WWOX: variants seen among roughly 807,000 people sequenced by gnomAD.
The protein encoded by WWOX is WW domain-containing oxidoreductase.
WWOX carries 69 observed loss-of-function variants against 46.2 expected under a neutral mutation model. The observed-to-expected ratio is 1.49, with a 90% confidence interval of 1.23 to 1.82. The LOEUF is 1.82. WWOX is among the 40% of genes most tolerant of loss of function. WWOX has a pLI of 0.00. For synonymous variants in WWOX, 359 were observed against 202.6 expected (o/e 1.77, Z -6.56); for missense variants, 919 against 542.6 (o/e 1.69, Z -6.89).
rs765360545 is a variant in WWOX at position 78,349,557 on chromosome 16, G to C, written c.517-37303G>C. On this transcript the variant is annotated intron_variant, in intron 5 of 8. Transcript: ENST00000566780. ...AGCTGATGTGAGATTACATGGCCCT[G>C]ACTGTCTTGCCTGGTGCTGCAGGCC... Among the ~76,000 whole-genome samples the C allele has an allele frequency of 1.7e-5, 2 of 120,564 alleles. 1 individual carries two copies. The highest frequency in any genetic ancestry group is 4.0e-5 in the Non-Finnish European group (2 of 50,524). The allele number at this position is 120,564 out of a possible 152,430, so 79.1% of individuals were successfully genotyped here.
At chr16:78,827,974 T>G (rs1326071510) in intron 8 of WWOX, among the ~76,000 whole-genome samples, 1 of 151,928 alleles carries the variant, frequency 6.6e-6, no homozygotes, top group Admixed American at 6.6e-5. Flanking sequence ...GGGGACAGAG[T>G]TGCTGTTGAA....
At chr16:78,655,134 A>G (rs1402891594) in intron 8 of WWOX, among the ~76,000 whole-genome samples, 4 of 151,962 alleles carry the variant, frequency 2.6e-5, no homozygotes, top group African/African-American at 7.3e-5. Flanking sequence ...CTCGGCTCAA[A>G]CTAGCTTCGG....
At chr16:78,955,683 C>G (rs2046151405) in intron 8 of WWOX, among the ~76,000 whole-genome samples, 1 of 150,244 alleles carries the variant, frequency 6.7e-6, no homozygotes, top group Non-Finnish European at 1.5e-5. Flanking sequence ...CAGGGTCTTG[C>G]TCTATTGCCC....
chr16:78,787,618 G>C (rs997237598), intron 8 of WWOX, among the ~76,000 whole-genome samples: 1 of 152,158 alleles, frequency 6.6e-6, no homozygotes, highest in Non-Finnish European at 1.5e-5. Context: ...ATGCTGCTAT[G>C]ATCATACATG....
At chr16:78,821,096 G>A (rs2051480693) in intron 8 of WWOX, among the ~76,000 whole-genome samples, 1 of 152,110 alleles carries the variant, frequency 6.6e-6, no homozygotes, top group African/African-American at 2.4e-5. Flanking sequence ...CATGTTTCTA[G>A]GGGGACACTA....
intron 8 of WWOX, among the ~76,000 whole-genome samples, chr16:78,923,296 C>T (rs1368842450): frequency 6.6e-6 from 1 of 151,916 alleles, no homozygotes; most frequent in Non-Finnish European, 1.5e-5. Flanking sequence ...TCTTTTTCTT[C>T]CTCTCCTTCT....
chr16:78,883,521 C>T (rs2044387239), intron 8 of WWOX, among the ~76,000 whole-genome samples: 1 of 152,064 alleles, frequency 6.6e-6, no homozygotes, highest in Admixed American at 6.6e-5. Flanking sequence ...GTCAGGAGTT[C>T]GAGACCAGCC....
At chr16:78,661,905 G>T (rs1041288751) in intron 8 of WWOX, among the ~76,000 whole-genome samples, 1 of 152,182 alleles carries the variant, frequency 6.6e-6, no homozygotes, top group African/African-American at 2.4e-5. Flanking sequence ...TCAGCTGGGC[G>T]TGGTGATATG....
intron 8 of WWOX, chr16:78,496,170 A>G (rs2084913987): frequency 1.3e-5 from 2 of 152,248 alleles, no homozygotes; most frequent in South Asian, 4.2e-4. Context: ...CTAAATCTTC[A>G]TTCTCGTCCC....
chr16:79,188,947 A>G (rs545945947), intron 8 of WWOX, among the ~76,000 whole-genome samples: 10 of 152,198 alleles, frequency 6.6e-5, no homozygotes, highest in Non-Finnish European at 1.3e-4. Flanking sequence ...TAAATGCTCA[A>G]TAATTATAGT....
At chr16:78,524,708 C>T (rs147387569) in intron 8 of WWOX, among the ~76,000 whole-genome samples, 41 of 151,784 alleles carry the variant, frequency 2.7e-4, no homozygotes, top group East Asian at 7.7e-4. Flanking sequence ...TGTGAGCCAC[C>T]GCGCCCAGCC....
intron 8 of WWOX, among the ~76,000 whole-genome samples, chr16:79,120,284 A>G (rs745674007): frequency 6.6e-6 from 1 of 152,192 alleles, no homozygotes. Context: ...TATACCCTTC[A>G]GAGAGTCATT....
intron 6 of WWOX, among the ~76,000 whole-genome samples, chr16:78,401,606 A>G (rs1268769327): frequency 6.6e-6 from 1 of 152,178 alleles, no homozygotes. Flanking sequence ...ACCCCACTGA[A>G]GGCTACTTAA....
At chr16:78,158,949 C>A (rs1300381642) in intron 4 of WWOX, among the ~76,000 whole-genome samples, 3 of 152,108 alleles carry the variant, frequency 2.0e-5, no homozygotes, top group Non-Finnish European at 4.4e-5. Flanking sequence ...TCCCCTCAGC[C>A]CTTTGCCTAC....
chr16:78,678,221 A>G (rs1196025258), intron 8 of WWOX, among the ~76,000 whole-genome samples: 1 of 151,980 alleles, frequency 6.6e-6, no homozygotes, highest in Non-Finnish European at 1.5e-5. Context: ...ATGAAAAGTG[A>G]GTGAATGGGC....
At chr16:79,101,546 G>T (rs1261967028) in intron 8 of WWOX, 1 of 152,086 alleles carries the variant, frequency 6.6e-6, no homozygotes, top group Non-Finnish European at 1.5e-5. Flanking sequence ...GTCTACAGTG[G>T]GTCCTGGGAA....
intron 5 of WWOX, among the ~76,000 whole-genome samples, chr16:78,255,718 C>A (rs754262652): frequency 6.6e-6 from 1 of 152,100 alleles, no homozygotes; most frequent in Non-Finnish European, 1.5e-5. Flanking sequence ...AATAATAATA[C>A]CCATCATTTA....
chr16:78,606,528 C>T (rs886418372), intron 8 of WWOX, among the ~76,000 whole-genome samples: 1 of 151,932 alleles, frequency 6.6e-6, no homozygotes, highest in African/African-American at 2.4e-5. Flanking sequence ...CATATGAGCC[C>T]CTCTGAACAA....
intron 8 of WWOX, among the ~76,000 whole-genome samples, chr16:78,957,312 C>G (rs1430470010): frequency 6.6e-6 from 1 of 152,218 alleles, no homozygotes; most frequent in East Asian, 1.9e-4. Context: ...AACTTAGCAT[C>G]TAATGATGCT....
Sources: allele counts gnomAD v4.1 joint callset (sites outside exome capture counted in the v4.1 genomes callset), GRCh38; gene constraint gnomAD v4.1.1; transcripts MANE v1.5; gene names NCBI Gene and HGNC (gene_info 2026-07-23, HGNC 2026-07-21).